TRABD2B: variants seen among roughly 807,000 people sequenced by gnomAD.
The protein encoded by TRABD2B is TraB domain containing 2B.
In TRABD2B, 14 loss-of-function variants were observed where a neutral mutation model predicts 40.1. The observed-to-expected ratio is 0.35, with a 90% CI of 0.23 to 0.55. The LOEUF is 0.55. TRABD2B is among the 20% of genes least tolerant of loss of function. The probability of loss-of-function intolerance (pLI) is 0.90; values close to 1 mark genes in which losing one functional copy is unlikely to be tolerated. For missense variants in TRABD2B, 541 were observed against 648.6 expected (o/e 0.83, Z 1.80); for synonymous variants, 263 against 277.0 (o/e 0.95, Z 0.50).
intron 6 of TRABD2B, among the ~76,000 whole-genome samples, chr1:47,771,310 T>C (rs1264016221): frequency 6.6e-6 from 1 of 152,184 alleles, no homozygotes; most frequent in Non-Finnish European, 1.5e-5. Flanking sequence ...CTGTGGCACA[T>C]GTGTCCTGCA....
chr1:47,974,521 A>G (rs573259245), intron 2 of TRABD2B, among the ~76,000 whole-genome samples: 1 of 152,280 alleles, frequency 6.6e-6, no homozygotes, highest in East Asian at 1.9e-4. Context: ...TACCCTTATC[A>G]TGACCTAAAA....
At chr1:47,864,970 C>T (rs1570155486) in intron 2 of TRABD2B, among the ~76,000 whole-genome samples, 1 of 151,308 alleles carries the variant, frequency 6.6e-6, no homozygotes, top group East Asian at 2.0e-4. Context: ...GGCACACCAC[C>T]ACTGGCTGGA....
chr1:47,831,158 C>T (rs946651310), intron 2 of TRABD2B, among the ~76,000 whole-genome samples: 10 of 152,202 alleles, frequency 6.6e-5, no homozygotes, highest in East Asian at 5.8e-4. Context: ...TATGCTTTTC[C>T]CTCTAATTGT....
At chr1:47,884,126 G>T (rs367612268) in intron 2 of TRABD2B, among the ~76,000 whole-genome samples, 64 of 152,328 alleles carry the variant, frequency 4.2e-4, no homozygotes, top group African/African-American at 1.5e-3. Context: ...GTCATTAGGT[G>T]CCCAGTCCAT....
At chr1:47,831,357 G>A (rs1645246840) in intron 2 of TRABD2B, among the ~76,000 whole-genome samples, 1 of 152,198 alleles carries the variant, frequency 6.6e-6, no homozygotes, top group South Asian at 2.1e-4. Context: ...CAGACTTTCT[G>A]GGGAGTCAGA....
At chr1:47,990,327 A>G (rs747151125) in intron 2 of TRABD2B, among the ~76,000 whole-genome samples, 28 of 152,142 alleles carry the variant, frequency 1.8e-4, no homozygotes, top group Non-Finnish European at 2.9e-5. Flanking sequence ...TAGAGGGAGA[A>G]GTAGTGGCAG....
At chr1:47,842,749 G>A (rs536531888) in intron 2 of TRABD2B, among the ~76,000 whole-genome samples, 14 of 152,322 alleles carry the variant, frequency 9.2e-5, no homozygotes, top group Admixed American at 2.6e-4. Flanking sequence ...GTTTATGGCA[G>A]TGAACAAAAC....
chr1:47,890,568 T>TG (rs951417323), intron 2 of TRABD2B, among the ~76,000 whole-genome samples: 3 of 152,066 alleles, frequency 2.0e-5, no homozygotes, highest in African/African-American at 4.8e-5. Flanking sequence ...TTCCTACTGC[T>TG]GGGGGGGCCC....
intron 2 of TRABD2B, among the ~76,000 whole-genome samples, chr1:47,942,501 C>T (rs1020068198): frequency 6.6e-6 from 1 of 152,154 alleles, no homozygotes; most frequent in Admixed American, 6.5e-5. Flanking sequence ...TGCTGTTCCT[C>T]TGCATGACTC....
intron 2 of TRABD2B, among the ~76,000 whole-genome samples, chr1:47,884,462 T>C (rs1291637433): frequency 6.6e-6 from 1 of 152,166 alleles, no homozygotes; most frequent in Non-Finnish European, 1.5e-5. Flanking sequence ...GCTATCATGA[T>C]GGTAACTCCT....
At chr1:47,792,732 C>A (rs1004499564) in intron 4 of TRABD2B, among the ~76,000 whole-genome samples, 1 of 152,074 alleles carries the variant, frequency 6.6e-6, no homozygotes, top group Admixed American at 6.5e-5. Context: ...GTGGTAGCTA[C>A]CCCCAGCCCT....
At chr1:47,923,607 A>G (rs1644930065) in intron 2 of TRABD2B, among the ~76,000 whole-genome samples, 2 of 152,312 alleles carry the variant, frequency 1.3e-5, no homozygotes, top group African/African-American at 4.8e-5. Flanking sequence ...TTGGTCAGAC[A>G]TTATTCTAGA....
At chr1:47,810,373 C>A (rs1644948444) in intron 2 of TRABD2B, among the ~76,000 whole-genome samples, 1 of 152,018 alleles carries the variant, frequency 6.6e-6, no homozygotes, top group African/African-American at 2.4e-5. Context: ...CCCTGCCCCC[C>A]CGCCACCCAT....
At chr1:47,914,595 G>A (rs1644805542) in intron 2 of TRABD2B, among the ~76,000 whole-genome samples, 1 of 152,236 alleles carries the variant, frequency 6.6e-6, no homozygotes, top group Admixed American at 6.5e-5. Flanking sequence ...TGGTACACAA[G>A]GAGTGGCTTC....
rs77747269 is a variant in TRABD2B, at chr1:47,904,464, T to C, written c.666+89570A>G. Reference sequence around the variant, plus strand: ...TATTCAACCCCTGATGGAAACCATGTTACCGTGTTACAGCAGTGGAGCAGT... The same window carrying C: ...TATTCAACCCCTGATGGAAACCATGCTACCGTGTTACAGCAGTGGAGCAGT... On this transcript the variant is annotated intron_variant, in intron 2 of 6. Transcript: ENST00000606738. Among the ~76,000 whole-genome samples the C allele has an allele frequency of 2.3e-4, 35 of 152,332 alleles. No homozygotes were observed. The East Asian group carries it at 5.2e-3, about 23-fold the overall frequency.
At chr1:47,847,292 C>T (rs555660317) in intron 2 of TRABD2B, among the ~76,000 whole-genome samples, 2 of 152,160 alleles carry the variant, frequency 1.3e-5, no homozygotes, top group South Asian at 4.2e-4. Flanking sequence ...CACACCACCC[C>T]CTTCACAGGA....
intron 2 of TRABD2B, among the ~76,000 whole-genome samples, chr1:47,934,580 T>C (rs910054224): frequency 6.6e-6 from 1 of 152,228 alleles, no homozygotes; most frequent in Non-Finnish European, 1.5e-5. Flanking sequence ...CTTGGTGCTG[T>C]TGTAATTTAT....
At chr1:47,923,537 T>C (rs1020176358) in intron 2 of TRABD2B, among the ~76,000 whole-genome samples, 18 of 152,226 alleles carry the variant, frequency 1.2e-4, no homozygotes, top group Admixed American at 1.2e-3. Flanking sequence ...ACTGGCTCTT[T>C]AGATGTGGAT....
intron 2 of TRABD2B, among the ~76,000 whole-genome samples, chr1:47,905,325 C>T (rs553276563): frequency 6.7e-4 from 102 of 152,314 alleles, no homozygotes; most frequent in Middle Eastern, 6.8e-3. Flanking sequence ...TGAGAACCAA[C>T]TTCCCAGAGG....
Sources: allele counts gnomAD v4.1 joint callset (sites outside exome capture counted in the v4.1 genomes callset), GRCh38; gene constraint gnomAD v4.1.1; transcripts MANE v1.5; gene names NCBI Gene and HGNC (gene_info 2026-07-23, HGNC 2026-07-21).